ERBB4: variants seen among roughly 807,000 people sequenced by gnomAD.
ERBB4 encodes the protein erb-b2 receptor tyrosine kinase 4, also known as receptor tyrosine-protein kinase erbB-4.
Under a neutral mutation model 158.0 loss-of-function variants are expected in ERBB4, and 42 were observed. The observed-to-expected ratio is 0.27, with a 90% confidence interval of 0.21 to 0.34. ERBB4 has a LOEUF of 0.34. Ranked by LOEUF, ERBB4 falls within the 10% of genes least tolerant of loss-of-function variation. The pLI, the probability that ERBB4 is intolerant of heterozygous loss-of-function variation, is 1.00. For synonymous variants in ERBB4, 583 were observed against 558.7 expected (o/e 1.04, Z -0.61); for missense variants, 1,333 against 1,624.1 (o/e 0.82, Z 3.08).
At chr2:211,919,350 C>T (rs145612460) in intron 3 of ERBB4, among the ~76,000 whole-genome samples, 6 of 152,144 alleles carry the variant, frequency 3.9e-5, no homozygotes, top group Non-Finnish European at 7.4e-5. Flanking sequence ...AGGCTTTATA[C>T]ACTTTATACA....
At chr2:211,416,798 T>C (rs535901421) in intron 25 of ERBB4, among the ~76,000 whole-genome samples, 80 of 149,710 alleles carry the variant, frequency 5.3e-4, no homozygotes, top group African/African-American at 1.9e-3. Flanking sequence ...AATGAGGGCA[T>C]AGATGAAGCC....
At chr2:212,115,891 C>T (rs563081215) in intron 2 of ERBB4, among the ~76,000 whole-genome samples, 138 of 151,816 alleles carry the variant, frequency 9.1e-4, no homozygotes, top group Non-Finnish European at 1.6e-3. Flanking sequence ...ACCACAATGC[C>T]CAGAGGTATA....
intron 1 of ERBB4, among the ~76,000 whole-genome samples, chr2:212,433,283 A>C (rs937163424): frequency 2.0e-5 from 3 of 152,040 alleles, no homozygotes; most frequent in Non-Finnish European, 4.4e-5. Flanking sequence ...CATCAATTAT[A>C]AGTGTGAGAA....
intron 1 of ERBB4, among the ~76,000 whole-genome samples, chr2:212,496,465 C>CTA (rs1030734629): frequency 2.6e-5 from 4 of 152,108 alleles, no homozygotes; most frequent in African/African-American, 7.2e-5. Flanking sequence ...AAAGTAGACT[C>CTA]TGATAAAAAC....
chr2:212,319,005 T>G (rs2087430253), intron 1 of ERBB4, among the ~76,000 whole-genome samples: 1 of 151,544 alleles, frequency 6.6e-6, no homozygotes, highest in South Asian at 2.1e-4. Flanking sequence ...ATACCACACT[T>G]TCAATCCAAA....
At chr2:212,414,123 A>G (rs972629996) in intron 1 of ERBB4, among the ~76,000 whole-genome samples, 2 of 152,156 alleles carry the variant, frequency 1.3e-5, no homozygotes, top group Non-Finnish European at 2.9e-5. Flanking sequence ...ATATTCAAAA[A>G]CAACTTTGCA....
intron 1 of ERBB4, among the ~76,000 whole-genome samples, chr2:212,398,353 A>G (rs891554996): frequency 2.6e-5 from 4 of 152,144 alleles, no homozygotes; most frequent in Non-Finnish European, 4.4e-5. Flanking sequence ...AACTTTATTC[A>G]GTGACAGCTT....
intron 12 of ERBB4, among the ~76,000 whole-genome samples, chr2:211,686,408 T>A (rs879846956): frequency 2.0e-5 from 3 of 152,250 alleles, no homozygotes; most frequent in Admixed American, 1.3e-4. Flanking sequence ...CATTTTTGAT[T>A]ATCAAATATT....
At chr2:211,546,313 GCATA>G (rs1267078629) in intron 20 of ERBB4, among the ~76,000 whole-genome samples, 2 of 151,896 alleles carry the variant, frequency 1.3e-5, no homozygotes, top group African/African-American at 2.4e-5. Context: ...TAATACATAT[GCATA>G]CATATATATT....
chr2:212,530,753 C>A (rs1399972425), intron 1 of ERBB4, among the ~76,000 whole-genome samples: 1 of 152,142 alleles, frequency 6.6e-6, no homozygotes, highest in Admixed American at 6.5e-5. Context: ...ACTTGGATAT[C>A]CACCTATACT....
At chr2:211,618,350 A>C (rs980281238) in intron 19 of ERBB4, among the ~76,000 whole-genome samples, 27 of 152,174 alleles carry the variant, frequency 1.8e-4, no homozygotes, top group Middle Eastern at 3.4e-3. Context: ...ATTTATGTAA[A>C]TAAAAAGTTT....
At chr2:211,568,590 C>G (rs1361591082) in intron 19 of ERBB4, among the ~76,000 whole-genome samples, 1 of 152,108 alleles carries the variant, frequency 6.6e-6, no homozygotes, top group Non-Finnish European at 1.5e-5. Context: ...CAGCCAAACT[C>G]TGTTTCATTG....
intron 20 of ERBB4, among the ~76,000 whole-genome samples, chr2:211,553,871 C>T (rs2067169748): frequency 6.6e-6 from 1 of 152,156 alleles, no homozygotes; most frequent in Non-Finnish European, 1.5e-5. Context: ...CCCATAGTAG[C>T]TCCCAGAATT....
intron 22 of ERBB4, among the ~76,000 whole-genome samples, chr2:211,425,865 G>A (rs2063615890): frequency 6.6e-6 from 1 of 152,006 alleles, no homozygotes; most frequent in Admixed American, 6.6e-5. Flanking sequence ...GTATTTTTTA[G>A]TAGATAAAGG....
rs189032060 is a variant in ERBB4 at position 211,808,843 on chromosome 2, A to G, written c.422-20684T>C. 1.7e-4 allele frequency among the ~76,000 whole-genome samples: 26 copies of G among 152,282 alleles called. 1 individual carries two copies. Among genetic ancestry groups the G allele is most frequent in the African/African-American group, 6.3e-4 (26 of 41,558 alleles). ...TAGTTCTCCTTGAAGAGTCTTTCAC[A>G]TCCCTTGTAAGTTGGATTCCTAGGT... On this transcript the variant is annotated intron_variant, in intron 3 of 27. Transcript: ENST00000342788.
chr2:211,844,518 C>T (rs2077547372), intron 3 of ERBB4, among the ~76,000 whole-genome samples: 2 of 152,162 alleles, frequency 1.3e-5, no homozygotes, highest in Admixed American at 6.6e-5. Context: ...TTTTTGATTG[C>T]TAACCTAGTG....
intron 1 of ERBB4, among the ~76,000 whole-genome samples, chr2:212,457,488 C>T (rs1505370): frequency 0.16 from 23,969 of 151,982 alleles, 2,398 homozygotes; most frequent in Non-Finnish European, 0.22. Flanking sequence ...AAGCTTTCTA[C>T]GAAGGTGATA....
intron 1 of ERBB4, among the ~76,000 whole-genome samples, chr2:212,221,874 A>T (rs1030070427): frequency 6.6e-6 from 1 of 151,396 alleles, no homozygotes; most frequent in Non-Finnish European, 1.5e-5. Context: ...ATATCCTCCA[A>T]AAACGGTTCT....
At chr2:212,368,223 A>G (rs985224997) in intron 1 of ERBB4, among the ~76,000 whole-genome samples, 1 of 152,160 alleles carries the variant, frequency 6.6e-6, no homozygotes, top group Non-Finnish European at 1.5e-5. Context: ...TGGTCTATAC[A>G]TACAATGGAA....
Sources: gnomAD v4.1 joint callset for allele counts (sites outside exome capture counted in the v4.1 genomes callset) on GRCh38, gnomAD v4.1.1 for gene constraint, MANE v1.5 for transcripts, NCBI Gene and HGNC (gene_info 2026-07-23, HGNC 2026-07-21) for gene names.